Variants in BAZ2B observed in about 807,000 individuals in gnomAD.
BAZ2B encodes the protein bromodomain adjacent to zinc finger domain 2B.
Under a neutral mutation model 246.0 loss-of-function variants are expected in BAZ2B, and 91 were observed. The ratio of observed to expected loss-of-function variants is 0.37; its 90% CI spans 0.31 to 0.44. The LOEUF is 0.44. BAZ2B is among the 20% of genes least tolerant of loss of function. BAZ2B has a pLI of 1.00. For synonymous variants in BAZ2B, 855 were observed against 860.0 expected, an observed-to-expected ratio of 0.99 and a Z score of 0.10; for missense variants, 2,332 against 2,533.7, an observed-to-expected ratio of 0.92 and a Z score of 1.71.
chr2:159,390,588 G>A (rs1328422948), intron 20 of BAZ2B, among the ~76,000 whole-genome samples: 2 of 152,118 alleles, frequency 1.3e-5, no homozygotes. Context: ...TTGTAAGCAA[G>A]CACCCTGACT....
chr2:159,486,298 T>G (rs2079825078), intron 2 of BAZ2B, among the ~76,000 whole-genome samples: 1 of 152,014 alleles, frequency 6.6e-6, no homozygotes, highest in African/African-American at 2.4e-5. Context: ...ATTAAAATTT[T>G]AATTAGAATA....
At chr2:159,413,322 T>C (rs901924636) in intron 13 of BAZ2B, among the ~76,000 whole-genome samples, 15 of 152,190 alleles carry the variant, frequency 9.9e-5, no homozygotes, top group Non-Finnish European at 1.9e-4. Context: ...GTAAGAAAAC[T>C]GTAGGAAGTT....
intron 1 of BAZ2B, among the ~76,000 whole-genome samples, chr2:159,592,059 G>A (rs915183790): frequency 6.6e-6 from 1 of 151,902 alleles, no homozygotes; most frequent in Admixed American, 6.6e-5. Flanking sequence ...GGTTGAGGCT[G>A]CAGTGAGTCA....
At chr2:159,615,232 C>T (rs1160612109) in intron 1 of BAZ2B, 1 of 120,172 alleles carries the variant, frequency 8.3e-6, no homozygotes, top group Non-Finnish European at 1.6e-5. Flanking sequence ...AATCCCAATT[C>T]TGGGGTTCGT....
At chr2:159,711,542 CCTTA>C in the BAZ2B span, among the ~76,000 whole-genome samples, 1 of 152,020 alleles carries the variant, frequency 6.6e-6, no homozygotes, top group African/African-American at 2.4e-5. Context: ...GCTTTTAATA[CCTTA>C]ACAAAATAGG....
the BAZ2B span, among the ~76,000 whole-genome samples, chr2:159,627,275 TA>T: frequency 3.3e-5 from 5 of 151,362 alleles, no homozygotes; most frequent in Non-Finnish European, 2.9e-5. Context: ...CTTCTGAAAC[TA>T]TTCCAAACAA....
chr2:159,448,926 A>C lies in BAZ2B; in HGVS notation c.335-517T>G, dbSNP rs112128516. On this transcript the variant is annotated intron_variant, in intron 4 of 36. Transcript: ENST00000392783. ...TTATGGAAGAAAACTTCTATACTTA[A>C]AGATAACCATAAATATAGCAAAATC... is the stretch of plus-strand genomic sequence containing the variant. 2.2e-3 allele frequency among the ~76,000 whole-genome samples: 336 copies of C among 152,336 alleles called. 2 individuals carry two copies. The highest frequency in any genetic ancestry group is 3.5e-3 in the Admixed American group (53 of 15,304).
intron 13 of BAZ2B, among the ~76,000 whole-genome samples, chr2:159,421,451 A>T (rs2068730745): frequency 6.6e-6 from 1 of 152,142 alleles, no homozygotes; most frequent in South Asian, 2.1e-4. Context: ...TTGGGATTAC[A>T]GGTATGAGCC....
chr2:159,536,364 A>G (rs2085991604), intron 2 of BAZ2B: 1 of 152,252 alleles, frequency 6.6e-6, no homozygotes, highest in African/African-American at 2.4e-5. Flanking sequence ...AATACTTTAA[A>G]TGGAAAATTT....
At chr2:159,498,870 A>C (rs1055076375) in intron 2 of BAZ2B, among the ~76,000 whole-genome samples, 2 of 152,198 alleles carry the variant, frequency 1.3e-5, no homozygotes, top group Non-Finnish European at 2.9e-5. Context: ...CCAAATATTA[A>C]CATAAATAAC....
chr2:159,641,392 T>C, the BAZ2B span, among the ~76,000 whole-genome samples: 1 of 152,210 alleles, frequency 6.6e-6, no homozygotes, highest in Non-Finnish European at 1.5e-5. Flanking sequence ...TTCATGTCCT[T>C]TGCCCGCTTT....
intron 1 of BAZ2B, among the ~76,000 whole-genome samples, chr2:159,601,202 T>C (rs779494199): frequency 2.6e-5 from 4 of 152,184 alleles, no homozygotes; most frequent in Non-Finnish European, 5.9e-5. Context: ...TCAACATCTA[T>C]ACCTGTAGCA....
At chr2:159,643,533 T>C in the BAZ2B span, among the ~76,000 whole-genome samples, 4 of 152,134 alleles carry the variant, frequency 2.6e-5, no homozygotes, top group Non-Finnish European at 5.9e-5. Flanking sequence ...ATTCCATCCT[T>C]GGTCCCCCGT....
intron 20 of BAZ2B, among the ~76,000 whole-genome samples, chr2:159,393,178 G>C (rs1342074868): frequency 6.6e-6 from 1 of 152,120 alleles, no homozygotes; most frequent in African/African-American, 2.4e-5. Flanking sequence ...GTGAGAGGCA[G>C]AGGTCAGTGG....
At chr2:159,637,331 T>C in the BAZ2B span, among the ~76,000 whole-genome samples, 2 of 152,280 alleles carry the variant, frequency 1.3e-5, no homozygotes, top group South Asian at 4.1e-4. Flanking sequence ...GTCCTGAGTG[T>C]GAGTCCCAGG....
chr2:159,645,437 T>C, the BAZ2B span, among the ~76,000 whole-genome samples: 1 of 152,102 alleles, frequency 6.6e-6, no homozygotes, highest in Non-Finnish European at 1.5e-5. Context: ...ATGAAACTGT[T>C]CCACCTCAGA....
At chr2:159,669,483 A>G in the BAZ2B span, among the ~76,000 whole-genome samples, 3 of 150,178 alleles carry the variant, frequency 2.0e-5, no homozygotes, top group Admixed American at 6.6e-5. Context: ...GTCTTTATAG[A>G]TTTTTTTTTT....
At chr2:159,686,651 A>G in the BAZ2B span, among the ~76,000 whole-genome samples, 1 of 152,196 alleles carries the variant, frequency 6.6e-6, no homozygotes, top group African/African-American at 2.4e-5. Context: ...TGAAGTCTGG[A>G]GTTTAAAAAG....
At chr2:159,541,094 T>A (rs2086607861) in intron 2 of BAZ2B, among the ~76,000 whole-genome samples, 1 of 152,176 alleles carries the variant, frequency 6.6e-6, no homozygotes, top group African/African-American at 2.4e-5. Flanking sequence ...ATACAGATGT[T>A]AGATCCAAAC....
Sources: gnomAD v4.1 joint callset for allele counts (sites outside exome capture counted in the v4.1 genomes callset) on GRCh38, gnomAD v4.1.1 for gene constraint, MANE v1.5 for transcripts, NCBI Gene and HGNC (gene_info 2026-07-23, HGNC 2026-07-21) for gene names.